The following LRBA variants were observed in gnomAD, a reference collection of about 807,000 sequenced individuals.
The protein encoded by LRBA is lipopolysaccharide-responsive and beige-like anchor protein.
In LRBA, 176 loss-of-function variants were observed where a neutral mutation model predicts 330.0. That is an observed-to-expected ratio of 0.53 (90% confidence interval 0.47 to 0.60). The LOEUF is 0.60. LRBA is among the 20% of genes least tolerant of loss of function. The pLI, the probability that LRBA is intolerant of heterozygous loss-of-function variation, is 0.00. For synonymous variants in LRBA, 1,230 were observed against 1,193.0 expected (o/e 1.03, Z -0.64); for missense variants, 3,259 against 3,444.8 (o/e 0.95, Z 1.35).
At chr4:150,998,257 G>A (rs1417506347) in intron 2 of LRBA, among the ~76,000 whole-genome samples, 1 of 151,318 alleles carries the variant, frequency 6.6e-6, no homozygotes, top group Non-Finnish European at 1.5e-5. Flanking sequence ...GGAGGCTGAG[G>A]CAGGAGAATC....
intron 35 of LRBA, among the ~76,000 whole-genome samples, chr4:150,758,200 G>A (rs1734572678): frequency 1.3e-5 from 2 of 152,138 alleles, no homozygotes; most frequent in African/African-American, 4.8e-5. Flanking sequence ...CTTCTGTGAC[G>A]GCCAGTAGGC....
At chr4:150,400,860 G>A (rs1025272698) in intron 47 of LRBA, among the ~76,000 whole-genome samples, 1 of 152,080 alleles carries the variant, frequency 6.6e-6, no homozygotes, top group Non-Finnish European at 1.5e-5. Flanking sequence ...AATAAAAAAA[G>A]AAGTTTTCTT....
At chr4:150,983,963 T>C (rs1281948344) in intron 2 of LRBA, among the ~76,000 whole-genome samples, 1 of 152,160 alleles carries the variant, frequency 6.6e-6, no homozygotes, top group Non-Finnish European at 1.5e-5. Flanking sequence ...ATTTATTCAG[T>C]TCCTATGATG....
chr4:151,002,399 C>CA (rs1326009013), intron 2 of LRBA, among the ~76,000 whole-genome samples: 5 of 151,058 alleles, frequency 3.3e-5, no homozygotes, highest in East Asian at 3.9e-4. Flanking sequence ...AAACCCCCCC[C>CA]ACTAAAAATA....
chr4:150,746,124 T>C (rs1016162341), intron 35 of LRBA, among the ~76,000 whole-genome samples: 1 of 152,240 alleles, frequency 6.6e-6, no homozygotes, highest in African/African-American at 2.4e-5. Context: ...TTTATGTGCA[T>C]ATATATGAAA....
At chr4:150,984,991 C>T (rs1384509132) in intron 2 of LRBA, among the ~76,000 whole-genome samples, 2 of 152,168 alleles carry the variant, frequency 1.3e-5, no homozygotes, top group African/African-American at 2.4e-5. Flanking sequence ...AGCACGGTGG[C>T]TCATGCCCGT....
chr4:150,876,972 A>G (rs1005261585), intron 17 of LRBA, among the ~76,000 whole-genome samples: 23 of 152,132 alleles, frequency 1.5e-4, no homozygotes, highest in African/African-American at 5.3e-4. Context: ...GACCTATTTC[A>G]GCTGGGCGCA....
At chr4:150,778,819 G>A (rs1444291152) in intron 34 of LRBA, among the ~76,000 whole-genome samples, 1 of 152,146 alleles carries the variant, frequency 6.6e-6, no homozygotes. Context: ...GGCAATTGCT[G>A]CCCTTTGAGG....
intron 5 of LRBA, among the ~76,000 whole-genome samples, chr4:150,919,051 A>G (rs1732954305): frequency 6.6e-6 from 1 of 152,236 alleles, no homozygotes; most frequent in Admixed American, 6.5e-5. Context: ...TGGTATATCC[A>G]TACAATATAA....
intron 28 of LRBA, among the ~76,000 whole-genome samples, chr4:150,838,285 C>T (rs568742629): frequency 2.6e-5 from 4 of 152,132 alleles, no homozygotes; most frequent in South Asian, 2.1e-4. Context: ...TTGCTCTTCT[C>T]GAGGAGTATG....
chr4:150,318,218 A>AT (rs953910068), intron 50 of LRBA, among the ~76,000 whole-genome samples: 7 of 152,046 alleles, frequency 4.6e-5, no homozygotes, highest in Admixed American at 6.6e-5. Flanking sequence ...ACCAGTTAGA[A>AT]TTTTTTTTAA....
intron 47 of LRBA, among the ~76,000 whole-genome samples, chr4:150,403,341 T>C (rs1342711777): frequency 6.6e-6 from 1 of 152,210 alleles, no homozygotes; most frequent in Admixed American, 6.5e-5. Context: ...GTGAATTTCA[T>C]ATTGCGAGCC....
intron 37 of LRBA, among the ~76,000 whole-genome samples, chr4:150,641,633 A>G (rs1369214854): frequency 6.6e-6 from 1 of 152,098 alleles, no homozygotes; most frequent in Non-Finnish European, 1.5e-5. Context: ...TAGCCCTTCA[A>G]TGTTTAAGTT....
chr4:150,834,243 A>T (rs1747649483), intron 28 of LRBA, among the ~76,000 whole-genome samples: 1 of 152,210 alleles, frequency 6.6e-6, no homozygotes, highest in Non-Finnish European at 1.5e-5. Context: ...CATGGTATCT[A>T]CAATAGTGAA....
intron 37 of LRBA, among the ~76,000 whole-genome samples, chr4:150,632,376 A>G (rs542765943): frequency 6.6e-6 from 1 of 152,306 alleles, no homozygotes; most frequent in South Asian, 2.1e-4. Context: ...GCAAGCTCCA[A>G]GGACACAATG....
chr4:150,553,055 C>T (rs1272540103), intron 40 of LRBA, among the ~76,000 whole-genome samples: 7 of 147,256 alleles, frequency 4.8e-5, no homozygotes, highest in Non-Finnish European at 8.9e-5. Flanking sequence ...GGCGACAGAG[C>T]GAGGCTCTGT....
intron 53 of LRBA, among the ~76,000 whole-genome samples, chr4:150,293,561 C>A (rs1410131649): frequency 6.6e-6 from 1 of 152,156 alleles, no homozygotes; most frequent in Non-Finnish European, 1.5e-5. Flanking sequence ...ATTTTAGTAG[C>A]AACTTCTTGT....
At chr4:150,720,145 C>T (rs1582141573) in intron 36 of LRBA, among the ~76,000 whole-genome samples, 1 of 152,140 alleles carries the variant, frequency 6.6e-6, no homozygotes, top group Non-Finnish European at 1.5e-5. Flanking sequence ...ATCCTGTTGT[C>T]TAAGCCAACA....
At chr4:150,389,977 A>G (rs1025449405) in intron 47 of LRBA, among the ~76,000 whole-genome samples, 1 of 148,700 alleles carries the variant, frequency 6.7e-6, no homozygotes, top group Non-Finnish European at 1.5e-5. Context: ...ACTAACATCA[A>G]TATTTATTCA....
Sources: allele counts gnomAD v4.1 joint callset (sites outside exome capture counted in the v4.1 genomes callset), GRCh38; gene constraint gnomAD v4.1.1; transcripts MANE v1.5; gene names NCBI Gene and HGNC (gene_info 2026-07-23, HGNC 2026-07-21).